Variants in GSE1 observed in about 807,000 individuals in gnomAD.
GSE1 encodes the protein Gse1 coiled-coil protein, also known as genetic suppressor element 1.
In GSE1, 32 loss-of-function variants were observed where a neutral mutation model predicts 112.6. The ratio of observed to expected loss-of-function variants is 0.28; its 90% CI spans 0.21 to 0.38. The LOEUF is 0.38. Ranked by LOEUF, GSE1 falls within the 10% of genes least tolerant of loss-of-function variation. GSE1 has a pLI of 1.00. For synonymous variants in GSE1, 1,115 were observed against 735.6 expected, an observed-to-expected ratio of 1.52 and a Z score of -8.35; for missense variants, 2,348 against 1,699.2, an observed-to-expected ratio of 1.38 and a Z score of -6.71.
chr16:85,254,710 G>C (rs760853905), intron 1 of GSE1, among the ~76,000 whole-genome samples: 18 of 152,210 alleles, frequency 1.2e-4, no homozygotes, highest in Non-Finnish European at 2.4e-4. Flanking sequence ...GCACTGATTT[G>C]AAATGGGAGG....
At chr16:85,590,867 C>T (rs944173020) in intron 1 of GSE1, among the ~76,000 whole-genome samples, 6 of 152,184 alleles carry the variant, frequency 3.9e-5, no homozygotes, top group Non-Finnish European at 5.9e-5. Context: ...ATGGGAACCC[C>T]GTTTTCCCCA....
intron 1 of GSE1, among the ~76,000 whole-genome samples, chr16:85,198,622 C>G (rs531228921): frequency 1.2e-3 from 185 of 151,424 alleles, no homozygotes; most frequent in African/African-American, 4.4e-3. Context: ...CTGGACAGTG[C>G]CCACTCAGCC....
Position 85,672,665 on chromosome 16 carries a change from C to T in GSE1, c.*126C>T, listed in dbSNP as rs753316774. On this transcript the variant is annotated 3_prime_UTR_variant, in exon 16 of 16. Transcript: ENST00000253458. ...AAATGAGAATGTGCCATGCATGAAG[C>T]AAAGGATTCCAGGCTCCAGAAAAAA... 14 of 589,350 alleles carry T rather than the reference C, an allele frequency of 2.4e-5. No homozygotes were observed. The highest frequency in any genetic ancestry group is 3.2e-5 in the Non-Finnish European group (12 of 373,408). 36.5% of individuals were successfully genotyped at this position (589,350 alleles called of 1,614,324 possible).
chr16:85,656,273 A>G, intron 6 of GSE1, 70 bp from the exon 7 acceptor site: 1 of 1,566,758 alleles, frequency 6.4e-7, no homozygotes, highest in Non-Finnish European at 8.6e-7. Context: ...TATGCTTTTT[A>G]AGGGCCTGCC....
chr16:85,246,418 CA>C (rs201370756), intron 1 of GSE1, among the ~76,000 whole-genome samples: 9 of 136,984 alleles, frequency 6.6e-5, no homozygotes, highest in South Asian at 5.0e-4. Flanking sequence ...CACACACACA[CA>C]CACCCCATGC....
chr16:85,226,474 A>G (rs1306208972), intron 1 of GSE1, among the ~76,000 whole-genome samples: 1 of 152,188 alleles, frequency 6.6e-6, no homozygotes, highest in Non-Finnish European at 1.5e-5. Context: ...GGCCTGACCA[A>G]GGGGGCTGCT....
At chr16:85,607,945 G>A (rs964354499), upstream of GSE1, among the ~76,000 whole-genome samples, 3 of 152,198 alleles carry the variant, frequency 2.0e-5, no homozygotes, top group Non-Finnish European at 2.9e-5. Flanking sequence ...CTCAGGCACT[G>A]CTTGGAGACC....
At chr16:85,600,225 G>C (rs750295558) in intron 1 of GSE1, among the ~76,000 whole-genome samples, 2 of 152,214 alleles carry the variant, frequency 1.3e-5, no homozygotes, top group Non-Finnish European at 2.9e-5. Context: ...TCTGAGCGGT[G>C]TGGGGACTTT....
chr16:85,178,277 A>T (rs555770048), intron 1 of GSE1, among the ~76,000 whole-genome samples: 1 of 152,116 alleles, frequency 6.6e-6, no homozygotes, highest in East Asian at 1.9e-4. Context: ...TGTAGGGGCC[A>T]TGTGCTCCTG....
chr16:85,464,357 G>A (rs2050065018), intron 2 of GSE1, among the ~76,000 whole-genome samples: 2 of 152,162 alleles, frequency 1.3e-5, no homozygotes, highest in Non-Finnish European at 2.9e-5. Context: ...GGGGGCAGCC[G>A]CTTAGAGAAA....
At chr16:85,655,952 C>G (rs374046113) in intron 6 of GSE1, 35 bp downstream of exon 6, 1 of 1,530,608 alleles carries the variant, frequency 6.5e-7, no homozygotes, top group African/African-American at 1.4e-5. Flanking sequence ...CCCCTCTGCC[C>G]TCCCTGTCCC....
intron 2 of GSE1, among the ~76,000 whole-genome samples, chr16:85,472,416 G>A (rs187810737): frequency 1.7e-3 from 257 of 152,204 alleles, no homozygotes; most frequent in African/African-American, 6.0e-3. Context: ...CTCCTCCCGC[G>A]GCCTTCTTTC....
chr16:85,417,130 T>C (rs891415893), intron 2 of GSE1, among the ~76,000 whole-genome samples: 3 of 152,176 alleles, frequency 2.0e-5, no homozygotes, highest in Non-Finnish European at 4.4e-5. Flanking sequence ...TTACAAATTA[T>C]AGTTCAAATT....
At chr16:85,394,141 C>T (rs577974097) in intron 2 of GSE1, among the ~76,000 whole-genome samples, 62 of 151,816 alleles carry the variant, frequency 4.1e-4, no homozygotes, top group African/African-American at 1.4e-3. Flanking sequence ...CCGGGGAAGG[C>T]TCAGCCGTGA....
At chr16:85,329,782 C>G (rs1009533637) in intron 1 of GSE1, among the ~76,000 whole-genome samples, 7 of 144,978 alleles carry the variant, frequency 4.8e-5, no homozygotes, top group African/African-American at 1.8e-4. Context: ...GCAAGGAACT[C>G]ATTAAAACAG....
At position 85,383,030 on chromosome 16, in the gene GSE1, GCACA is replaced by G. The variant is rs756135969; in HGVS notation, c.2464+25395_2464+25398del. ...TGCACACACGGTTGCACCCACACAT[GCACA>G]CACACACCGTGTACATGCATGTGCG... On this transcript the variant is annotated intron_variant, in intron 2 of 2. Coordinates refer to the GSE1 transcript ENST00000637419. 4.6e-5 allele frequency among the ~76,000 whole-genome samples: 7 copies of G among 151,108 alleles called. No homozygotes were observed. The East Asian group carries it at 1.2e-3, about 25-fold the overall frequency.
At chr16:85,600,589 C>CACACACACACACACACACACACCCCAA (rs773951759) in intron 1 of GSE1, among the ~76,000 whole-genome samples, 2 of 136,106 alleles carry the variant, frequency 1.5e-5, no homozygotes, top group Admixed American at 7.0e-5. Flanking sequence ...ACACCCCAAA[C>CACACACACACACACACACACACCCCAA]ACACACACAC....
intron 1 of GSE1, among the ~76,000 whole-genome samples, chr16:85,604,772 A>AGATCTCTGAGAGGG (rs2047616608): frequency 1.2e-3 from 1 of 868 alleles, no homozygotes; most frequent in African/African-American, 4.5e-3. Flanking sequence ...AAAAAAAAAA[A>AGATCTCTGAGAGGG]AAATATATAT....
At chr16:85,234,531 C>T (rs984644055) in intron 1 of GSE1, among the ~76,000 whole-genome samples, 9 of 152,208 alleles carry the variant, frequency 5.9e-5, no homozygotes, top group Admixed American at 2.0e-4. Context: ...CTAGCGGATC[C>T]CACTAAGGGT....
Sources: allele counts gnomAD v4.1 joint callset (sites outside exome capture counted in the v4.1 genomes callset), GRCh38; gene constraint gnomAD v4.1.1; transcripts MANE v1.5; gene names NCBI Gene and HGNC (gene_info 2026-07-23, HGNC 2026-07-21).